The following PCDHGA7 variants were observed in gnomAD, a reference collection of about 807,000 sequenced individuals.
PCDHGA7 encodes the protein protocadherin gamma subfamily A, 7.
Under a neutral mutation model 58.3 loss-of-function variants are expected in PCDHGA7, and 44 were observed. The ratio of observed to expected loss-of-function variants is 0.75; its 90% CI spans 0.59 to 0.97. The LOEUF (loss-of-function observed/expected upper bound fraction) is 0.97, where lower values mean the gene tolerates loss of function less well. Ranked by LOEUF, PCDHGA7 falls within the 50% of genes least tolerant of loss-of-function variation. The pLI is 0.00. For missense variants in PCDHGA7, 1,266 were observed against 1,188.7 expected (o/e 1.06, Z -0.96); for synonymous variants, 516 against 504.2 (o/e 1.02, Z -0.31).
intron 2 of PCDHGA7, among the ~76,000 whole-genome samples, chr5:141,502,829 C>A (rs1034808123): frequency 2.0e-5 from 3 of 150,428 alleles, no homozygotes; most frequent in African/African-American, 7.4e-5. Context: ...CTTGGGGAAG[C>A]CTGGACTGGC....
intron 1 of PCDHGA7, among the ~76,000 whole-genome samples, chr5:141,434,451 A>C (rs145324240): frequency 6.6e-6 from 1 of 152,210 alleles, no homozygotes; most frequent in Non-Finnish European, 1.5e-5. Context: ...GCTGGAAGGT[A>C]GTGGGTTTAC....
At chr5:141,434,117 G>T (rs2097672674) in intron 1 of PCDHGA7, among the ~76,000 whole-genome samples, 1 of 152,126 alleles carries the variant, frequency 6.6e-6, no homozygotes, top group African/African-American at 2.4e-5. Context: ...TGGCCTTTGG[G>T]ACTCCCTTTA....
rs2099691833 is a variant in PCDHGA7, at chr5:141,489,761, C to A, written c.2425-5046C>A. 8.1e-6 allele frequency: 13 copies of A among 1,614,102 alleles called. No individual in the cohort carries two copies. The highest frequency in any genetic ancestry group is 1.1e-5 in the Non-Finnish European group (13 of 1,179,962). ...ACTGTGAGCTTTTACACTCTAAGCCCCAACAGCCACTTCTCTCTGAATGTG... is the reference window on the plus strand; with the variant it reads ...ACTGTGAGCTTTTACACTCTAAGCCACAACAGCCACTTCTCTCTGAATGTG... On this transcript the variant is annotated intron_variant, in intron 1 of 3. Coordinates refer to ENST00000518325, the MANE Select transcript of PCDHGA7 (RefSeq NM_018920.4). The surrounding 1 kb of genome is among the most constrained non-coding windows in gnomAD (Gnocchi z 4.5).
At chr5:141,495,269 CGGAGGAGGCG>C (rs2099759953) in intron 2 of PCDHGA7, among the ~76,000 whole-genome samples, 1 of 152,180 alleles carries the variant, frequency 6.6e-6, no homozygotes, top group Non-Finnish European at 1.5e-5. Context: ...AGCATTTGAC[CGGAGGAGGCG>C]GTCCGCACTC....
At chr5:141,510,860 G>A (rs1274817106) in intron 3 of PCDHGA7, 87 bp from the exon 4 acceptor site, 11 of 1,606,558 alleles carry the variant, frequency 6.8e-6, no homozygotes, top group South Asian at 4.4e-5. Context: ...GTGCTGTATA[G>A]GCATTCATTA....
chr5:141,510,880 G>T (rs373993657), intron 3 of PCDHGA7, 67 bp from the exon 4 acceptor site: 1 of 1,611,902 alleles, frequency 6.2e-7, no homozygotes. Context: ...AACTGCTGGG[G>T]ATATAAGACA....
intron 1 of PCDHGA7, chr5:141,399,280 G>T (rs750453381): frequency 6.2e-7 from 1 of 1,613,836 alleles, no homozygotes; most frequent in Non-Finnish European, 8.5e-7. Flanking sequence ...ATTACAAGGC[G>T]AAGTCCCTTT....
At position 141,399,586 on chromosome 5, in the gene PCDHGA7, A is replaced by G. The variant is rs751097540; in HGVS notation, c.2424+14263A>G. The G allele has an allele frequency of 6.2e-6, 10 of 1,613,830 alleles. No individual in the cohort carries two copies. The East Asian group carries it at 1.3e-4, about 22-fold the overall frequency. Reference sequence around the variant, plus strand: ...GTTGAACGGCCAAGTCTCCTACTCTATCATGGCCAGCGACCTAGAGCCTCT... The same window carrying G: ...GTTGAACGGCCAAGTCTCCTACTCTGTCATGGCCAGCGACCTAGAGCCTCT... On this transcript the variant is annotated intron_variant, in intron 1 of 3. Coordinates refer to ENST00000518325, the MANE Select transcript of PCDHGA7 (RefSeq NM_018920.4).
intron 1 of PCDHGA7, chr5:141,414,585 C>CA: frequency 6.2e-7 from 1 of 1,613,968 alleles, no homozygotes; most frequent in East Asian, 2.2e-5. Flanking sequence ...AGAACAACGC[C>CA]AGGGGTGCCT....
intron 1 of PCDHGA7, chr5:141,419,908 C>T: frequency 1.2e-6 from 2 of 1,613,976 alleles, no homozygotes; most frequent in Non-Finnish European, 1.7e-6. Context: ...CACCCTCTGA[C>T]TCCCAGGCTG....
At chr5:141,421,148 G>A (rs1334539595) in intron 1 of PCDHGA7, 2 of 1,056,062 alleles carry the variant, frequency 1.9e-6, no homozygotes, top group African/African-American at 1.6e-5. Context: ...GATGTAGTCG[G>A]CCTAGGACTT....
intron 1 of PCDHGA7, among the ~76,000 whole-genome samples, chr5:141,481,950 T>C (rs1378337886): frequency 2.7e-5 from 4 of 146,216 alleles, no homozygotes; most frequent in Admixed American, 1.4e-4. Flanking sequence ...CCAGATGTGG[T>C]GGCAGGTGCC....
At chr5:141,446,128 G>T (rs1242643475) in intron 1 of PCDHGA7, among the ~76,000 whole-genome samples, 1 of 152,188 alleles carries the variant, frequency 6.6e-6, no homozygotes, top group Admixed American at 6.5e-5. Context: ...GGTTCAATAA[G>T]ACTTAATAAT....
In PCDHGA7 at chr5:141,490,091, A is replaced by T; in HGVS notation, c.2425-4716A>T. 6.2e-7 allele frequency: 1 copy of T among 1,614,240 alleles called. No homozygotes were observed. Among genetic ancestry groups the T allele is most frequent in the East Asian group, 2.2e-5 (1 of 44,888 alleles). ...CAACTAGACTATTCTTTTGGAGACC[A>T]CACATCTGAGGCAGTGCGGAACCTC... On this transcript the variant is annotated intron_variant, in intron 1 of 3. Coordinates refer to ENST00000518325, the MANE Select transcript of PCDHGA7 (RefSeq NM_018920.4). The surrounding 1 kb of genome is among the most constrained non-coding windows in gnomAD (Gnocchi z 5.4).
At chr5:141,389,982 C>T in intron 1 of PCDHGA7, 1 of 1,614,034 alleles carries the variant, frequency 6.2e-7, no homozygotes, top group Non-Finnish European at 8.5e-7. Context: ...GATCTCAGTG[C>T]TCTTCCTCGT....
chr5:141,420,118 T>C (rs2096468123), intron 1 of PCDHGA7: 2 of 1,613,844 alleles, frequency 1.2e-6, no homozygotes, highest in Admixed American at 1.7e-5. Flanking sequence ...ATGCCTATAA[T>C]TTTTGTGTGC....
chr5:141,426,805 A>G (rs1222690899), intron 1 of PCDHGA7: 2 of 456,720 alleles, frequency 4.4e-6, no homozygotes, highest in African/African-American at 2.0e-5. Flanking sequence ...CTCAGTTCTA[A>G]TGAACATTTC....
chr5:141,481,913 C>CAAAAAAAAAAAAA (rs34114744), intron 1 of PCDHGA7, among the ~76,000 whole-genome samples: 1 of 90,852 alleles, frequency 1.1e-5, no homozygotes. Flanking sequence ...AACTCCATCT[C>CAAAAAAAAAAAAA]AAAAAAAAAA....
rs1213467381 is a variant in PCDHGA7 at position 141,384,650 on chromosome 5, C to T, written c.1751C>T (p.Pro584Leu). The change falls in exon 1 of 4, where the codon CCC becomes CTC. Residue 584 changes from proline to leucine, a missense_variant. Coordinates refer to ENST00000518325, the MANE Select transcript of PCDHGA7 (RefSeq NM_018920.4). ...GAGCTGGCACCCCGCTCCGCAGAGC[C>T]CGGCTACCTGGTGACCAAGGTGGTG... ...GMELAPRSAE[P>L]GYLVTKVVAV... 1 of 1,614,104 alleles carries T rather than the reference C, an allele frequency of 6.2e-7. No homozygotes were observed. The highest frequency in any genetic ancestry group is 2.2e-5 in the East Asian group (1 of 44,896).
Sources: allele counts gnomAD v4.1 joint callset (sites outside exome capture counted in the v4.1 genomes callset), GRCh38; gene constraint gnomAD v4.1.1; non-coding constraint Gnocchi (gnomAD v3.1); transcripts MANE v1.5; gene names NCBI Gene and HGNC (gene_info 2026-07-23, HGNC 2026-07-21).